Variants in PLCG2 observed in about 807,000 individuals in gnomAD.
The protein encoded by PLCG2 is 1-phosphatidylinositol 4,5-bisphosphate phosphodiesterase gamma-2.
In PLCG2, 69 loss-of-function variants were observed where a neutral mutation model predicts 175.6. The ratio of observed to expected loss-of-function variants is 0.39; its 90% CI spans 0.32 to 0.48. The LOEUF (loss-of-function observed/expected upper bound fraction) is 0.48, where lower values mean the gene tolerates loss of function less well. Among genes scored for constraint, PLCG2 ranks in the 20% least tolerant of loss-of-function variants. The probability of loss-of-function intolerance (pLI) is 0.91; values close to 1 mark genes in which losing one functional copy is unlikely to be tolerated. For synonymous variants in PLCG2, 827 were observed against 624.0 expected (o/e 1.33, Z -4.85); for missense variants, 1,798 against 1,650.9 (o/e 1.09, Z -1.54).
intron 2 of PLCG2, among the ~76,000 whole-genome samples, chr16:81,846,859 C>A (rs12932636): frequency 1.3e-5 from 2 of 152,082 alleles, no homozygotes; most frequent in Admixed American, 6.5e-5. Flanking sequence ...TTCCTCTTCC[C>A]TCTGTACTCA....
At chr16:81,808,687 G>A (rs1904293337) in intron 2 of PLCG2, among the ~76,000 whole-genome samples, 1 of 152,048 alleles carries the variant, frequency 6.6e-6, no homozygotes, top group Non-Finnish European at 1.5e-5. Context: ...TAGAGATGGG[G>A]TTTCACTGTG....
chr16:81,853,342 A>AG, intron 2 of PLCG2, among the ~76,000 whole-genome samples: 1 of 129,926 alleles, frequency 7.7e-6, no homozygotes, highest in South Asian at 2.4e-4. Context: ...AAAAAAAAAA[A>AG]CAAAACAACA....
At chr16:81,822,245 C>T (rs1399732874) in intron 2 of PLCG2, among the ~76,000 whole-genome samples, 2 of 152,134 alleles carry the variant, frequency 1.3e-5, no homozygotes, top group Non-Finnish European at 2.9e-5. Context: ...TACTCTCCTC[C>T]TCTGCAGATC....
intron 1 of PLCG2, among the ~76,000 whole-genome samples, chr16:81,741,918 T>C (rs1909603138): frequency 6.6e-6 from 1 of 152,184 alleles, no homozygotes; most frequent in Non-Finnish European, 1.5e-5. Flanking sequence ...TTTTTGAAAA[T>C]ATACAATAAG....
intron 19 of PLCG2, among the ~76,000 whole-genome samples, chr16:81,914,734 T>G (rs1909769359): frequency 6.6e-6 from 1 of 152,200 alleles, no homozygotes; most frequent in Admixed American, 6.5e-5. Flanking sequence ...TCCAAGTGTT[T>G]CTTGCTTTTG....
upstream of PLCG2, among the ~76,000 whole-genome samples, chr16:81,775,218 T>C (rs1910373010): frequency 6.6e-6 from 1 of 152,174 alleles, no homozygotes; most frequent in African/African-American, 2.4e-5. Context: ...GTACCCCTTA[T>C]CTTTTACCTT....
intron 2 of PLCG2, among the ~76,000 whole-genome samples, chr16:81,843,277 G>T (rs1466734982): frequency 5.3e-5 from 8 of 152,130 alleles, no homozygotes; most frequent in Admixed American, 4.6e-4. Flanking sequence ...CTTCTCACTA[G>T]TAGTGCCTGT....
At chr16:81,768,552 GTTTTTTTTTTTT>G (rs769292122) in intron 2 of PLCG2, among the ~76,000 whole-genome samples, 35 of 105,418 alleles carry the variant, frequency 3.3e-4, no homozygotes, top group South Asian at 9.2e-4. Context: ...GTTATCCTCA[GTTTTTTTTTTTT>G]TTTTTTTTTT....
intron 16 of PLCG2, 73 bp from the exon 17 acceptor site, chr16:81,908,343 C>T: frequency 7.2e-7 from 1 of 1,391,358 alleles, no homozygotes; most frequent in Non-Finnish European, 1.0e-6. Context: ...CAGGGTGAGA[C>T]AGAAGGACCT....
rs1404557359 is a variant in PLCG2, at chr16:81,756,533, AACCAGAGCTTATGAAGGTG to A, written c.-48+572_-48+590del. Among the ~76,000 whole-genome samples, 3 of 152,310 alleles carry A rather than the reference AACCAGAGCTTATGAAGGTG, an allele frequency of 2.0e-5. No homozygotes were observed. The East Asian group carries it at 5.8e-4, about 29-fold the overall frequency. ...CCTGTACTCAATCCAGGTCATCTGA[AACCAGAGCTTATGAAGGTG>A]ACCACACCATACAGTGTCTCAGGAC... On this transcript the variant is annotated intron_variant, in intron 2 of 5. Transcript: ENST00000565054.
intron 2 of PLCG2, among the ~76,000 whole-genome samples, chr16:81,772,677 G>T (rs1358978354): frequency 6.6e-6 from 1 of 151,880 alleles, no homozygotes; most frequent in Admixed American, 6.6e-5. Context: ...AAAAAGCTGG[G>T]TGTGGTGGTG....
intron 16 of PLCG2, 80 bp from the exon 17 acceptor site, chr16:81,908,336 G>T: frequency 6.8e-6 from 9 of 1,324,360 alleles, no homozygotes; most frequent in Non-Finnish European, 8.5e-6. Context: ...CCTGGGTCAG[G>T]GTGAGACAGA....
rs751158120 is a variant in PLCG2, at chr16:81,937,605, C to T, written c.3053-153C>T. On this transcript the variant is annotated intron_variant, in intron 27 of 32. Coordinates refer to ENST00000564138, the MANE Select transcript of PLCG2 (RefSeq NM_002661.5). ...GTCTGGGAGTTTGCTGTCTAGAAACCCTATATTTTCTTTGAGTGAGATACC... is the reference window on the plus strand; with the variant it reads ...GTCTGGGAGTTTGCTGTCTAGAAACTCTATATTTTCTTTGAGTGAGATACC... The T allele has an allele frequency of 1.4e-4, 77 of 560,094 alleles. 1 individual carries two copies. The highest frequency in any genetic ancestry group is 2.1e-4 in the Non-Finnish European group (68 of 325,320). 34.7% of individuals were successfully genotyped at this position (560,094 alleles called of 1,614,324 possible).
At chr16:81,750,581 C>A (rs1032656138) in intron 1 of PLCG2, among the ~76,000 whole-genome samples, 3 of 148,392 alleles carry the variant, frequency 2.0e-5, no homozygotes, top group African/African-American at 7.4e-5. Flanking sequence ...TGTCCATCAA[C>A]AGATTAATGC....
chr16:81,860,169 ATTATTTTT>A (rs1258287576), intron 5 of PLCG2, among the ~76,000 whole-genome samples: 3 of 93,382 alleles, frequency 3.2e-5, no homozygotes, highest in South Asian at 3.4e-4. Context: ...TATTATTATT[ATTATTTTT>A]TTTTTTTTTT....
Position 81,961,860 on chromosome 16 carries a change from A to G in PLCG2, c.*3862A>G. On this transcript the variant is annotated 3_prime_UTR_variant, in exon 33 of 33. Coordinates refer to ENST00000564138, the MANE Select transcript of PLCG2 (RefSeq NM_002661.5). Reference sequence around the variant, plus strand: ...TTTAGATGTCAATATAGCAATGTGCAAGAAGATAGAGATTTTCAAAATTCA... The same window carrying G: ...TTTAGATGTCAATATAGCAATGTGCGAGAAGATAGAGATTTTCAAAATTCA... 5.0e-6 allele frequency: 1 copy of G among 200,526 alleles called. No homozygotes were observed. The allele number at this position is 200,526 out of a possible 1,614,324, so 12.4% of individuals were successfully genotyped here. A position where few individuals can be genotyped will look rare whatever the true frequency, so the allele number is the denominator to read the frequency against.
chr16:81,836,680 C>T (rs527381794), intron 2 of PLCG2, among the ~76,000 whole-genome samples: 33 of 152,280 alleles, frequency 2.2e-4, no homozygotes, highest in African/African-American at 7.9e-4. Flanking sequence ...GGCTGAGGTG[C>T]AGTGAGCTGA....
At chr16:81,934,094 G>C (rs897887277) in intron 25 of PLCG2, among the ~76,000 whole-genome samples, 5 of 152,156 alleles carry the variant, frequency 3.3e-5, no homozygotes, top group Non-Finnish European at 5.9e-5. Context: ...CTAACAGTGT[G>C]GCTTTAGGGG....
chr16:81,876,925 G>A (rs1226482337), intron 7 of PLCG2, among the ~76,000 whole-genome samples: 5 of 152,190 alleles, frequency 3.3e-5, no homozygotes, highest in African/African-American at 9.7e-5. Flanking sequence ...CGTGTAGTGT[G>A]GGATGCTAGA....
Sources: gnomAD v4.1 joint callset for allele counts (sites outside exome capture counted in the v4.1 genomes callset) on GRCh38, gnomAD v4.1.1 for gene constraint, MANE v1.5 for transcripts, NCBI Gene and HGNC (gene_info 2026-07-23, HGNC 2026-07-21) for gene names.